Variants in MALT1 observed in about 807,000 individuals in gnomAD.
MALT1 encodes the protein MALT1 paracaspase.
MALT1 carries 36 observed loss-of-function variants against 85.5 expected under a neutral mutation model. That is an observed-to-expected ratio of 0.42 (90% CI 0.32 to 0.56). The LOEUF is 0.56. Ranked by LOEUF, MALT1 falls within the 20% of genes least tolerant of loss-of-function variation. The pLI, the probability that MALT1 is intolerant of heterozygous loss-of-function variation, is 0.10. For synonymous variants in MALT1, 359 were observed against 361.3 expected (o/e 0.99, Z 0.07); for missense variants, 716 against 981.6 (o/e 0.73, Z 3.62).
chr18:58,710,659 T>G (rs978624497), intron 6 of MALT1, among the ~76,000 whole-genome samples: 25 of 152,106 alleles, frequency 1.6e-4, no homozygotes, highest in Non-Finnish European at 2.9e-5. Context: ...AGATTTTTAA[T>G]AAAACATTTT....
At chr18:58,677,550 T>C (rs920237211) in intron 1 of MALT1, 3 of 152,180 alleles carry the variant, frequency 2.0e-5, no homozygotes, top group African/African-American at 7.2e-5. Context: ...TAAAATAAAA[T>C]TTCACAAAAT....
rs369825587 is a variant in MALT1, at chr18:58,693,525, G to C, written c.377-2841G>C. On this transcript the variant is annotated intron_variant, in intron 2 of 16. Transcript: ENST00000649217. ...AAACAGCCTTCTATTGGAAGAAGAT[G>C]TCATCTAGAACTTTGATAGCTAGAG... Among the ~76,000 whole-genome samples, 177 of 152,174 alleles carry C rather than the reference G, an allele frequency of 1.2e-3. 1 individual carries two copies. The highest frequency in any genetic ancestry group is 4.1e-3 in the African/African-American group (171 of 41,526).
intron 14 of MALT1, among the ~76,000 whole-genome samples, chr18:58,743,047 CTTCTATAAAAT>C (rs2055323195): frequency 6.6e-6 from 1 of 152,020 alleles, no homozygotes; most frequent in African/African-American, 2.4e-5. Context: ...ATTTAATGAA[CTTCTATAAAAT>C]ATCTTTATTT....
At chr18:58,735,597 T>C (rs1463110737) in intron 13 of MALT1, among the ~76,000 whole-genome samples, 1 of 151,884 alleles carries the variant, frequency 6.6e-6, no homozygotes, top group Non-Finnish European at 1.5e-5. Flanking sequence ...CAGTCATTAA[T>C]AAAGTTGAAT....
chr18:58,701,414 T>A (rs2054670940), intron 4 of MALT1, among the ~76,000 whole-genome samples: 1 of 152,230 alleles, frequency 6.6e-6, no homozygotes, highest in Non-Finnish European at 1.5e-5. Context: ...AAGCCTCAGC[T>A]CCCTCTGCTG....
At chr18:58,704,607 C>G (rs776969686) in intron 4 of MALT1, among the ~76,000 whole-genome samples, 15 of 152,176 alleles carry the variant, frequency 9.9e-5, no homozygotes, top group African/African-American at 3.4e-4. Flanking sequence ...CACACATGCA[C>G]CACTGCACCT....
intron 2 of MALT1, chr18:58,691,354 G>A (rs576599727): frequency 7.1e-6 from 6 of 846,102 alleles, no homozygotes; most frequent in Non-Finnish European, 1.1e-5. Flanking sequence ...TTTGCTTTTG[G>A]CATTGCCCTG....
At chr18:58,672,852 G>A (rs985706989) in intron 1 of MALT1, 1 of 152,132 alleles carries the variant, frequency 6.6e-6, no homozygotes, top group African/African-American at 2.4e-5. Flanking sequence ...AAACTGCAGT[G>A]TCCACTCCTG....
At chr18:58,713,786 A>G (rs998287676) in intron 7 of MALT1, among the ~76,000 whole-genome samples, 1 of 152,200 alleles carries the variant, frequency 6.6e-6, no homozygotes, top group African/African-American at 2.4e-5. Flanking sequence ...ATCATTTGAG[A>G]TTACTGTTTT....
In MALT1 at chr18:58,733,515, A is replaced by G; in HGVS notation, c.1341A>G (p.Lys447=). ...ENCLCVQNIL[K]LMQEKETGLN... ...GTCTGTGTGTACAAAATATACTGAA[A>G]TTGATGCAAGAAAAAGAAACTGGAC... The change falls in exon 11 of 17, where the codon AAA becomes AAG. Residue 447 remains lysine, a synonymous_variant. Transcript: ENST00000649217. 6.2e-7 allele frequency: 1 copy of G among 1,612,720 alleles called. No individual in the cohort carries two copies. Among genetic ancestry groups the G allele is most frequent in the Non-Finnish European group, 8.5e-7 (1 of 1,179,038 alleles).
intron 13 of MALT1, among the ~76,000 whole-genome samples, chr18:58,736,447 A>C (rs2055222482): frequency 6.6e-6 from 1 of 152,086 alleles, no homozygotes; most frequent in Non-Finnish European, 1.5e-5. Context: ...TGCTTTAAAA[A>C]AAAAAAAAGA....
At chr18:58,726,473 A>T (rs1865634705) in intron 10 of MALT1, among the ~76,000 whole-genome samples, 1 of 152,184 alleles carries the variant, frequency 6.6e-6, no homozygotes, top group Admixed American at 6.5e-5. Context: ...TGGAAGGCAG[A>T]GTCACAGGAA....
At chr18:58,704,170 T>G (rs1442213482) in intron 4 of MALT1, among the ~76,000 whole-genome samples, 1 of 152,222 alleles carries the variant, frequency 6.6e-6, no homozygotes, top group Non-Finnish European at 1.5e-5. Flanking sequence ...GGACATATGT[T>G]TTATTTCTTC....
intron 8 of MALT1, 73 bp downstream of exon 8, chr18:58,714,182 C>A: frequency 1.4e-6 from 1 of 710,436 alleles, no homozygotes. Flanking sequence ...ACCGTAGGTA[C>A]TCTTTTGCTA....
At chr18:58,731,407 T>G (rs188961464) in intron 10 of MALT1, among the ~76,000 whole-genome samples, 13 of 152,310 alleles carry the variant, frequency 8.5e-5, no homozygotes, top group Non-Finnish European at 1.8e-4. Flanking sequence ...AATCCATTCT[T>G]TTGGTCATTA....
chr18:58,700,735 A>G (rs1010933316), intron 4 of MALT1, 144 bp downstream of exon 4: 1 of 630,888 alleles, frequency 1.6e-6, no homozygotes, highest in Non-Finnish European at 2.4e-6. Context: ...AATGTCAACC[A>G]TTGTTAAGAT....
chr18:58,744,124 A>G (rs558467865), intron 14 of MALT1, among the ~76,000 whole-genome samples: 3 of 152,322 alleles, frequency 2.0e-5, no homozygotes, highest in South Asian at 2.1e-4. Context: ...AATAAAAATT[A>G]TATATACAGT....
chr18:58,709,189 C>T (rs536879995), intron 4 of MALT1, among the ~76,000 whole-genome samples, 189 bp from the exon 5 acceptor site: 62 of 152,170 alleles, frequency 4.1e-4, no homozygotes, highest in Non-Finnish European at 7.5e-4. Context: ...GTTTATTTGT[C>T]CACAGCATTC....
chr18:58,692,638 A>G (rs2054529127), intron 2 of MALT1, among the ~76,000 whole-genome samples: 1 of 152,226 alleles, frequency 6.6e-6, no homozygotes, highest in Non-Finnish European at 1.5e-5. Flanking sequence ...ATAACCCTAC[A>G]GTGATCTCTA....
Sources: allele counts gnomAD v4.1 joint callset (sites outside exome capture counted in the v4.1 genomes callset), GRCh38; gene constraint gnomAD v4.1.1; transcripts MANE v1.5; gene names NCBI Gene and HGNC (gene_info 2026-07-23, HGNC 2026-07-21).